STAB2: variants seen among roughly 807,000 people sequenced by gnomAD.
The protein encoded by STAB2 is stabilin-2.
A neutral mutation model predicts 338.1 loss-of-function variants in STAB2; 288 were observed. The ratio of observed to expected loss-of-function variants is 0.85; its 90% CI spans 0.77 to 0.94. STAB2 has a LOEUF of 0.94. STAB2 is among the 40% of genes least tolerant of loss of function. STAB2 has a pLI of 0.00. For missense variants in STAB2, 3,141 were observed against 3,210.1 expected (o/e 0.98, Z 0.52); for synonymous variants, 1,202 against 1,193.3 (o/e 1.01, Z -0.15).
intron 11 of STAB2, among the ~76,000 whole-genome samples, chr12:103,651,709 A>G (rs1873756576): frequency 6.6e-6 from 1 of 152,252 alleles, no homozygotes; most frequent in African/African-American, 2.4e-5. Context: ...AAATGGATTA[A>G]CAAATACACA....
intron 60 of STAB2, among the ~76,000 whole-genome samples, chr12:103,752,814 T>G (rs1883782793): frequency 6.6e-6 from 1 of 152,178 alleles, no homozygotes; most frequent in African/African-American, 2.4e-5. Context: ...CTACCACATT[T>G]AGAGTATATA....
At chr12:103,709,397 G>A (rs1299412417) in intron 39 of STAB2, among the ~76,000 whole-genome samples, 1 of 152,242 alleles carries the variant, frequency 6.6e-6, no homozygotes, top group Non-Finnish European at 1.5e-5. Flanking sequence ...AAGGCAACAG[G>A]AAGCCATTAA....
At position 103,727,357 on chromosome 12, in the gene STAB2, AT is replaced by A; in HGVS notation, c.4935+8del. The A allele has an allele frequency of 6.2e-7, 1 of 1,614,200 alleles. No homozygotes were observed. The highest frequency in any genetic ancestry group is 8.5e-7 in the Non-Finnish European group (1 of 1,180,010). On this transcript the variant is annotated splice_region_variant and intron_variant, in intron 47 of 68. Transcript: ENST00000388887. ...CTTTGATGAGGAAGCTCGGGTGAGC[AT>A]GAGACTGTGGGCAGAAGGGGGAGGT...
Position 103,748,994 on chromosome 12 carries a change from C to T in STAB2, c.6276C>T (p.Gly2092=). The stretch of plus-strand genomic sequence containing the variant: ...ATTTCTGCAAACAGGACAACGGGGG[C>T]TGTGCAAAGGTGGCCAGATGCTCCC... ...VVDFCKQDNG[G]CAKVARCSQK... is the part of the protein sequence containing the mutation. The change falls in exon 59 of 69, where the codon GGC becomes GGT. Residue 2092 remains glycine (G), a synonymous_variant. Coordinates refer to ENST00000388887, the MANE Select transcript of STAB2 (RefSeq NM_017564.10). 1 of 1,613,990 alleles carries T rather than the reference C, an allele frequency of 6.2e-7. No homozygotes were observed. The highest frequency in any genetic ancestry group is 8.5e-7 in the Non-Finnish European group (1 of 1,179,964).
chr12:103,668,502 G>A (rs755488718), intron 19 of STAB2, 141 bp from the exon 20 acceptor site: 2 of 715,080 alleles, frequency 2.8e-6, no homozygotes, highest in African/African-American at 1.7e-5. Context: ...GTAGACCCAG[G>A]TCTGCTAGTG....
chr12:103,750,731 C>T lies in STAB2; in HGVS notation c.6580+11C>T. On this transcript the variant is annotated intron_variant, in intron 60 of 68. Coordinates refer to ENST00000388887, the MANE Select transcript of STAB2 (RefSeq NM_017564.10). ...ACCTCCACTTCCAGGGTTAGTGTGA[C>T]CAGGGCCTATGGCCCAAAGCACCCT... 2 of 1,608,234 alleles carry T rather than the reference C, an allele frequency of 1.2e-6. No individual in the cohort carries two copies. Among genetic ancestry groups the T allele is most frequent in the African/African-American group, 1.3e-5 (1 of 74,966 alleles).
At chr12:103,633,425 G>GT (rs754328660) in intron 6 of STAB2, among the ~76,000 whole-genome samples, 29 of 152,358 alleles carry the variant, frequency 1.9e-4, no homozygotes, top group East Asian at 1.7e-3. Context: ...GTTCATGCCT[G>GT]TAATTCCAGC....
chr12:103,696,341 A>G (rs986408524), intron 33 of STAB2, among the ~76,000 whole-genome samples: 9 of 152,284 alleles, frequency 5.9e-5, no homozygotes, highest in Middle Eastern at 3.4e-3. Context: ...GCCACCCAAT[A>G]TAAACATGGA....
At chr12:103,678,380 C>T (rs1876581396) in intron 25 of STAB2, among the ~76,000 whole-genome samples, 1 of 152,156 alleles carries the variant, frequency 6.6e-6, no homozygotes, top group Non-Finnish European at 1.5e-5. Context: ...TGACCCCGAG[C>T]CTTTTGGTTC....
At chr12:103,617,671 C>T (rs1397094132) in intron 3 of STAB2, among the ~76,000 whole-genome samples, 2 of 152,206 alleles carry the variant, frequency 1.3e-5, no homozygotes, top group Non-Finnish European at 2.9e-5. Flanking sequence ...CAACCCAAAC[C>T]AATGTCTTGC....
intron 68 of STAB2, among the ~76,000 whole-genome samples, chr12:103,765,675 C>T (rs187977969): frequency 3.0e-4 from 46 of 152,242 alleles, no homozygotes; most frequent in African/African-American, 6.5e-4. Context: ...CTCAGCCTCC[C>T]GAGTAGCTGG....
chr12:103,739,386 C>A, intron 53 of STAB2, 26 bp from the exon 54 acceptor site: 2 of 1,556,494 alleles, frequency 1.3e-6, no homozygotes, highest in Non-Finnish European at 8.7e-7. Flanking sequence ...TCTTGGTTTT[C>A]AAGTGTTTCT....
At chr12:103,737,073 C>T (rs1355844361) in intron 52 of STAB2, among the ~76,000 whole-genome samples, 7 of 152,176 alleles carry the variant, frequency 4.6e-5, no homozygotes, top group African/African-American at 7.2e-5. Flanking sequence ...AAAGCCAAAC[C>T]GGGCACTTTG....
intron 3 of STAB2, among the ~76,000 whole-genome samples, chr12:103,614,879 A>G (rs1431499245): frequency 6.6e-6 from 1 of 152,256 alleles, no homozygotes; most frequent in Non-Finnish European, 1.5e-5. Context: ...TGCCATGCCT[A>G]TTAAAATGTT....
At position 103,599,252 on chromosome 12, in the gene STAB2, A is replaced by C. The variant is rs1232243734; in HGVS notation, c.331+4742A>C. 5.3e-5 allele frequency among the ~76,000 whole-genome samples: 8 copies of C among 152,226 alleles called. No homozygotes were observed. In the South Asian group the frequency reaches 1.7e-3, roughly 31 times the overall value. The stretch of plus-strand genomic sequence containing the variant: ...TCTCTTGTGGGGCAGGAAGTGTATT[A>C]TCTTCCTTTAAAGAAACAGACCAGC... On this transcript the variant is annotated intron_variant, in intron 3 of 68. Transcript: ENST00000388887.
At chr12:103,697,576 A>G (rs1451723181) in intron 33 of STAB2, among the ~76,000 whole-genome samples, 1 of 152,222 alleles carries the variant, frequency 6.6e-6, no homozygotes, top group Non-Finnish European at 1.5e-5. Context: ...AACACTTTGA[A>G]TTGGATTTAA....
intron 45 of STAB2, 56 bp from the exon 46 acceptor site, chr12:103,726,060 G>A (rs531776359): frequency 9.4e-6 from 15 of 1,597,622 alleles, no homozygotes; most frequent in East Asian, 2.2e-5. Flanking sequence ...TGACAACCCT[G>A]TATTGTTCTA....
chr12:103,738,242 C>T (rs10861088), intron 53 of STAB2, among the ~76,000 whole-genome samples: 21,974 of 152,186 alleles, frequency 0.14, 1,903 homozygotes, highest in Admixed American at 0.27. Flanking sequence ...ACTCACACCT[C>T]TATTCACTTA....
At chr12:103,766,149 A>G in intron 68 of STAB2, 137 bp from the exon 69 acceptor site, 1 of 1,194,894 alleles carries the variant, frequency 8.4e-7, no homozygotes, top group South Asian at 1.3e-5. Flanking sequence ...AGGCAGCAGC[A>G]CAAACAAACA....
Sources: gnomAD v4.1 joint callset for allele counts (sites outside exome capture counted in the v4.1 genomes callset) on GRCh38, gnomAD v4.1.1 for gene constraint, MANE v1.5 for transcripts, NCBI Gene and HGNC (gene_info 2026-07-23, HGNC 2026-07-21) for gene names.